Variants in ROBO1 observed in about 807,000 individuals in gnomAD.
ROBO1 encodes roundabout guidance receptor 1, also known as roundabout homolog 1.
Under a neutral mutation model 195.9 loss-of-function variants are expected in ROBO1, and 149 were observed. The ratio of observed to expected loss-of-function variants is 0.76; its 90% CI spans 0.67 to 0.87. The LOEUF is 0.87. Among genes scored for constraint, ROBO1 ranks in the 40% least tolerant of loss-of-function variants. The pLI is 0.00. For synonymous variants in ROBO1, 816 were observed against 733.2 expected (o/e 1.11, Z -1.82); for missense variants, 1,933 against 2,068.3 (o/e 0.93, Z 1.27).
chr3:79,330,331 A>T (rs924791383), intron 2 of ROBO1, among the ~76,000 whole-genome samples: 8 of 148,928 alleles, frequency 5.4e-5, no homozygotes, highest in Non-Finnish European at 1.2e-4. Flanking sequence ...AAATAAATAA[A>T]TAAAACATCC....
intron 4 of ROBO1, among the ~76,000 whole-genome samples, chr3:78,807,593 A>G (rs2084586223): frequency 6.6e-6 from 1 of 152,238 alleles, no homozygotes; most frequent in Admixed American, 6.5e-5. Context: ...TAATACAAAC[A>G]CTAAAACTAC....
chr3:78,730,393 A>G (rs2082260310), intron 5 of ROBO1, among the ~76,000 whole-genome samples: 1 of 118,646 alleles, frequency 8.4e-6, no homozygotes, highest in African/African-American at 2.5e-5. Context: ...AAGGTTGGGT[A>G]TGCAAGGGAT....
intron 2 of ROBO1, among the ~76,000 whole-genome samples, chr3:79,577,596 C>G (rs1185770246): frequency 6.6e-6 from 1 of 152,060 alleles, no homozygotes; most frequent in Non-Finnish European, 1.5e-5. Flanking sequence ...AAAGAACTGG[C>G]TGGGCGTGGT....
intron 2 of ROBO1, among the ~76,000 whole-genome samples, chr3:79,431,354 T>C (rs1417825909): frequency 1.3e-5 from 2 of 152,086 alleles, no homozygotes; most frequent in Non-Finnish European, 2.9e-5. Context: ...CCAACTACAG[T>C]GGTGATCTTC....
intron 4 of ROBO1, among the ~76,000 whole-genome samples, chr3:78,797,633 G>GT (rs2084224896): frequency 6.6e-6 from 1 of 152,040 alleles, no homozygotes; most frequent in Admixed American, 6.5e-5. Context: ...TAAGCAGAGG[G>GT]TTTTTTTCTT....
intron 3 of ROBO1, among the ~76,000 whole-genome samples, chr3:79,027,352 T>C (rs1282686487): frequency 6.6e-6 from 1 of 152,102 alleles, no homozygotes; most frequent in Non-Finnish European, 1.5e-5. Context: ...TACTAAAGAA[T>C]TCATTAAATT....
chr3:79,342,804 C>A (rs2034961591), intron 2 of ROBO1, among the ~76,000 whole-genome samples: 1 of 152,142 alleles, frequency 6.6e-6, no homozygotes. Context: ...GTATCAACAT[C>A]CCTTATCAGA....
At chr3:79,313,660 A>G (rs1372705654) in intron 2 of ROBO1, among the ~76,000 whole-genome samples, 1 of 152,204 alleles carries the variant, frequency 6.6e-6, no homozygotes, top group East Asian at 1.9e-4. Context: ...TATGGTCATT[A>G]TGTAGATGAA....
At chr3:79,570,181 T>C (rs1467750534) in intron 2 of ROBO1, among the ~76,000 whole-genome samples, 1 of 151,860 alleles carries the variant, frequency 6.6e-6, no homozygotes, top group South Asian at 2.1e-4. Flanking sequence ...TTTAAATAGG[T>C]GAACAATTTC....
At chr3:78,875,417 A>AAT (rs1484465774) in intron 4 of ROBO1, among the ~76,000 whole-genome samples, 2 of 152,032 alleles carry the variant, frequency 1.3e-5, no homozygotes, top group East Asian at 3.9e-4. Flanking sequence ...AAAATGAAGA[A>AAT]ATAAACCATA....
At chr3:78,811,532 C>T (rs1417026341) in intron 4 of ROBO1, among the ~76,000 whole-genome samples, 1 of 152,088 alleles carries the variant, frequency 6.6e-6, no homozygotes, top group Non-Finnish European at 1.5e-5. Flanking sequence ...CTAAATCCTA[C>T]AATATCTCTC....
At chr3:79,248,345 T>A in intron 2 of ROBO1, among the ~76,000 whole-genome samples, 1 of 101,260 alleles carries the variant, frequency 9.9e-6, no homozygotes, top group African/African-American at 4.1e-5. Context: ...TTATGCCTAA[T>A]AGATAAGGTC....
intron 2 of ROBO1, among the ~76,000 whole-genome samples, chr3:79,350,227 A>G (rs1054415785): frequency 2.6e-5 from 4 of 152,228 alleles, no homozygotes; most frequent in African/African-American, 9.6e-5. Flanking sequence ...AAGGAAATGC[A>G]AAGCAAAACT....
intron 2 of ROBO1, among the ~76,000 whole-genome samples, chr3:79,451,364 G>A (rs2107197824): frequency 6.6e-6 from 1 of 152,114 alleles, no homozygotes; most frequent in East Asian, 1.9e-4. Flanking sequence ...TTGTGAATTT[G>A]AACAAGAGAT....
Position 79,361,435 on chromosome 3 carries a change from C to T in ROBO1, c.88+228389G>A, listed in dbSNP as rs2035765769. 2.0e-5 allele frequency among the ~76,000 whole-genome samples: 3 copies of T among 151,894 alleles called. No individual in the cohort carries two copies. In the South Asian group the frequency reaches 6.2e-4, roughly 32 times the overall value. ...TTGTCACTGAAAAGAAGTGAATAGC[C>T]AAATTTTGCATAACCAGAGCCCATT... On this transcript the variant is annotated intron_variant, in intron 2 of 30. Transcript: ENST00000464233.
chr3:79,490,849 T>C (rs1234611397), intron 2 of ROBO1, among the ~76,000 whole-genome samples: 1 of 152,110 alleles, frequency 6.6e-6, no homozygotes, highest in Non-Finnish European at 1.5e-5. Context: ...AGACCTTCTT[T>C]AGGGAGGGTG....
At chr3:78,949,911 T>G (rs1367452143) in intron 3 of ROBO1, among the ~76,000 whole-genome samples, 1 of 152,076 alleles carries the variant, frequency 6.6e-6, no homozygotes, top group African/African-American at 2.4e-5. Context: ...CATGAAAAAA[T>G]GCTCATCATC....
intron 2 of ROBO1, among the ~76,000 whole-genome samples, chr3:79,215,788 T>A (rs2082046198): frequency 6.6e-6 from 1 of 152,236 alleles, no homozygotes; most frequent in South Asian, 2.1e-4. Flanking sequence ...TAAAGGGGGC[T>A]CAATTTGCAT....
chr3:79,480,458 T>A (rs551010109), intron 2 of ROBO1, among the ~76,000 whole-genome samples: 1 of 152,294 alleles, frequency 6.6e-6, no homozygotes, highest in East Asian at 1.9e-4. Flanking sequence ...CATGTGCATT[T>A]ATTCCCCTGA....
Sources: gnomAD v4.1 joint callset for allele counts (sites outside exome capture counted in the v4.1 genomes callset) on GRCh38, gnomAD v4.1.1 for gene constraint, MANE v1.5 for transcripts, NCBI Gene and HGNC (gene_info 2026-07-23, HGNC 2026-07-21) for gene names.